MYO18B: variants seen among roughly 807,000 people sequenced by gnomAD.
The protein encoded by MYO18B is unconventional myosin-XVIIIb.
MYO18B carries 204 observed loss-of-function variants against 273.0 expected under a neutral mutation model. The observed-to-expected ratio is 0.75, with a 90% CI of 0.67 to 0.84. The LOEUF is 0.84. MYO18B is among the 40% of genes least tolerant of loss of function. The pLI is 0.00. For missense variants in MYO18B, 3,212 were observed against 3,287.6 expected (o/e 0.98, Z 0.56); for synonymous variants, 1,330 against 1,305.7 (o/e 1.02, Z -0.40).
intron 42 of MYO18B, among the ~76,000 whole-genome samples, chr22:26,006,951 T>C (rs1338787817): frequency 1.3e-5 from 2 of 152,224 alleles, no homozygotes; most frequent in Non-Finnish European, 2.9e-5. Context: ...AACTGATCCA[T>C]GCATAGATGG....
At position 25,769,160 on chromosome 22, in the gene MYO18B, G is replaced by T. The variant is rs2145588441; in HGVS notation, c.1244G>T (p.Gly415Val). 1 of 1,613,090 alleles carries T rather than the reference G, an allele frequency of 6.2e-7. No individual in the cohort carries two copies. The highest frequency in any genetic ancestry group is 1.1e-5 in the South Asian group (1 of 90,746). Residue 415 changes from glycine to valine, a missense_variant, in exon 4 of 44, where the codon GGC (glycine) becomes GTC (valine). By Grantham distance (109) the Gly-to-Val change is moderately radical (BLOSUM62 -3). Transcript: ENST00000335473. ...AGEARSQTEK[G>V]CEAPKEVSTM... is the part of the protein sequence containing the mutation. ...GAAGCTCGGAGTCAGACAGAGAAGG[G>T]CTGTGAAGCCCCAAAGGAGGTGAGC...
the MYO18B span, among the ~76,000 whole-genome samples, chr22:26,047,317 G>A: frequency 2.0e-5 from 3 of 151,974 alleles, no homozygotes; most frequent in African/African-American, 4.8e-5. Flanking sequence ...TAGTAGAGAC[G>A]GGGTTTCACC....
rs750419388 is a variant in MYO18B at position 25,781,852 on chromosome 22, G to A, written c.2312+18G>A. ...GATCTCAGGTGAGCACTTGGGGCAG[G>A]AAGAGACAGCTGAGGGCAGTGCGAC... On this transcript the variant is annotated intron_variant, in intron 10 of 43. Coordinates refer to ENST00000335473, the MANE Select transcript of MYO18B (RefSeq NM_032608.7). The A allele has an allele frequency of 5.3e-6, 8 of 1,514,308 alleles. No homozygotes were observed. The highest frequency in any genetic ancestry group is 2.7e-5 in the South Asian group (2 of 74,840). The allele number at this position is 1,514,308 out of a possible 1,614,324, so 93.8% of individuals were successfully genotyped here.
chr22:26,039,834 CTTCTT>C, the MYO18B span, among the ~76,000 whole-genome samples: 1 of 151,982 alleles, frequency 6.6e-6, no homozygotes, highest in Non-Finnish European at 1.5e-5. Context: ...ATATATCACT[CTTCTT>C]TTCAAGGCAG....
chr22:25,976,444 A>G (rs1338324957), intron 39 of MYO18B, among the ~76,000 whole-genome samples: 3 of 152,202 alleles, frequency 2.0e-5, no homozygotes, highest in Non-Finnish European at 2.9e-5. Context: ...GGAACTTTCC[A>G]CTACTTTGAG....
At chr22:26,029,461 G>A (rs190264853) in intron 43 of MYO18B, among the ~76,000 whole-genome samples, 9,863 of 152,080 alleles carry the variant, frequency 0.065, 390 homozygotes, top group Middle Eastern at 0.15. Context: ...GTAAAGATCT[G>A]ATATTCATTT....
At chr22:25,779,042 A>G (rs1052830393) in intron 8 of MYO18B, among the ~76,000 whole-genome samples, 1 of 152,118 alleles carries the variant, frequency 6.6e-6, no homozygotes, top group African/African-American at 2.4e-5. Flanking sequence ...ATTCCCCTTA[A>G]TCATTTCCCC....
At chr22:25,887,350 G>A (rs2091531043) in intron 25 of MYO18B, among the ~76,000 whole-genome samples, 1 of 152,158 alleles carries the variant, frequency 6.6e-6, no homozygotes, top group Non-Finnish European at 1.5e-5. Flanking sequence ...GTTACTCACT[G>A]CTCGCCCAAG....
chr22:25,823,954 C>T (rs1190236564), intron 13 of MYO18B, among the ~76,000 whole-genome samples: 1 of 152,126 alleles, frequency 6.6e-6, no homozygotes, highest in Non-Finnish European at 1.5e-5. Flanking sequence ...GGCCGATGGA[C>T]CAATGCATTT....
intron 19 of MYO18B, 107 bp downstream of exon 19, chr22:25,846,390 C>A: frequency 8.0e-7 from 1 of 1,256,116 alleles, no homozygotes; most frequent in Non-Finnish European, 1.1e-6. Flanking sequence ...CCCAGCAAGG[C>A]CAGAGGGGCG....
At chr22:26,041,023 T>C in the MYO18B span, among the ~76,000 whole-genome samples, 1 of 152,180 alleles carries the variant, frequency 6.6e-6, no homozygotes, top group East Asian at 1.9e-4. Flanking sequence ...AGGATGAGGT[T>C]TGACCTAGGT....
chr22:25,844,712 C>T (rs2090184045), intron 18 of MYO18B, among the ~76,000 whole-genome samples: 2 of 152,186 alleles, frequency 1.3e-5, no homozygotes, highest in Non-Finnish European at 2.9e-5. Flanking sequence ...TTGGAGAATT[C>T]CCAGAACATT....
rs138788908 is a variant in MYO18B at position 25,919,084 on chromosome 22, C to T, written c.5365-2173C>T. Among the ~76,000 whole-genome samples, 453 of 152,226 alleles carry T rather than the reference C, an allele frequency of 3.0e-3. 4 individuals carry two copies. Among genetic ancestry groups the T allele is most frequent in the African/African-American group, 0.011 (437 of 41,534 alleles). Reference sequence around the variant, plus strand: ...TTTTATACCCTCATGGCAACCACCCCGAAATGCATAGCCCAGATTATTTCT... The same window carrying T: ...TTTTATACCCTCATGGCAACCACCCTGAAATGCATAGCCCAGATTATTTCT... On this transcript the variant is annotated intron_variant, in intron 33 of 43. Coordinates refer to ENST00000335473, the MANE Select transcript of MYO18B (RefSeq NM_032608.7).
chr22:25,771,037 C>A (rs1437377493), intron 6 of MYO18B, 53 bp downstream of exon 6: 2 of 1,246,902 alleles, frequency 1.6e-6, no homozygotes, highest in East Asian at 5.0e-5. Flanking sequence ...CCCACTTCAC[C>A]CCAGCTCCAT....
chr22:25,747,283 G>T (rs371607117), intron 1 of MYO18B, among the ~76,000 whole-genome samples: 1 of 152,232 alleles, frequency 6.6e-6, no homozygotes, highest in Non-Finnish European at 1.5e-5. Flanking sequence ...CTTGGCACAG[G>T]TTCCATCCCT....
the MYO18B span, among the ~76,000 whole-genome samples, chr22:26,055,237 T>A: frequency 6.6e-6 from 1 of 152,328 alleles, no homozygotes; most frequent in South Asian, 2.1e-4. Context: ...ACCAAGCCCT[T>A]GGTTAAAGAG....
chr22:25,981,589 A>T, intron 39 of MYO18B, among the ~76,000 whole-genome samples: 1 of 152,276 alleles, frequency 6.6e-6, no homozygotes, highest in East Asian at 1.9e-4. Context: ...AAATAAAAAT[A>T]AAAAAATTAG....
At chr22:25,795,846 C>T (rs913909606) in intron 11 of MYO18B, among the ~76,000 whole-genome samples, 5 of 152,064 alleles carry the variant, frequency 3.3e-5, no homozygotes, top group Non-Finnish European at 5.9e-5. Context: ...GAGGAAGTGG[C>T]TTGAGTGGAG....
intron 17 of MYO18B, among the ~76,000 whole-genome samples, chr22:25,838,711 A>AG (rs2089981042): frequency 6.6e-6 from 1 of 152,154 alleles, no homozygotes; most frequent in African/African-American, 2.4e-5. Context: ...GGTAGGCTCT[A>AG]CCATCTAGGT....
Sources: allele counts gnomAD v4.1 joint callset (sites outside exome capture counted in the v4.1 genomes callset), GRCh38; gene constraint gnomAD v4.1.1; transcripts MANE v1.5; gene names NCBI Gene and HGNC (gene_info 2026-07-23, HGNC 2026-07-21).